TNC: variants seen among roughly 807,000 people sequenced by gnomAD.
The protein encoded by TNC is tenascin.
Under a neutral mutation model 202.4 loss-of-function variants are expected in TNC, and 109 were observed. That is an observed-to-expected ratio of 0.54 (90% CI 0.46 to 0.63). The LOEUF (loss-of-function observed/expected upper bound fraction) is 0.63. TNC is among the 30% of genes least tolerant of loss of function. The probability of loss-of-function intolerance (pLI) is 0.00; values close to 1 mark genes in which losing one functional copy is unlikely to be tolerated. For missense variants in TNC, 2,756 were observed against 2,833.3 expected (o/e 0.97, Z 0.62); for synonymous variants, 1,007 against 1,089.7 (o/e 0.92, Z 1.50).
intron 7 of TNC, 82 bp downstream of exon 7, chr9:115,077,861 G>T: frequency 6.9e-7 from 1 of 1,449,636 alleles, no homozygotes; most frequent in Non-Finnish European, 9.4e-7. Flanking sequence ...AAATGAGCCT[G>T]GAAGATACCC....
Position 115,040,995 on chromosome 9 carries a change from T to C in TNC, c.5338A>G (p.Ile1780Val), listed in dbSNP as rs1268862913. ...CTTTCCTCAAAGCCCTTCATGGCGA[T>C]GATGCTGACAAGGTACTCCACGCCA... Reference protein sequence around the residue: ...IPGVEYLVSIIAMKGFEESEP... With the variant: ...IPGVEYLVSIVAMKGFEESEP... The change falls in exon 19 of 28, where the codon ATC (isoleucine) becomes GTC (valine). Residue 1780 changes from isoleucine to valine, a missense_variant. Ile to Val is a conservative substitution (Grantham distance 29, BLOSUM62 3). Transcript: ENST00000350763. 3 of 1,613,992 alleles carry C rather than the reference T, an allele frequency of 1.9e-6. No individual in the cohort carries two copies. The highest frequency in any genetic ancestry group is 2.5e-6 in the Non-Finnish European group (3 of 1,180,016).
chr9:115,026,714 G>T lies in TNC; in HGVS notation c.6170-19C>A. The T allele has an allele frequency of 1.2e-6, 2 of 1,612,390 alleles. No individual in the cohort carries two copies. Among genetic ancestry groups the T allele is most frequent in the Non-Finnish European group, 1.7e-6 (2 of 1,179,330 alleles). On this transcript the variant is annotated intron_variant, in intron 25 of 27. Transcript: ENST00000350763. ...TCCAGCCCTGTGGATGACAGGCAAGGGTTGCTAAGAAGCACAGGTGACTGA... is the reference window on the plus strand; with the variant it reads ...TCCAGCCCTGTGGATGACAGGCAAGTGTTGCTAAGAAGCACAGGTGACTGA...
At chr9:115,029,636 G>A (rs1172447521) in intron 24 of TNC, among the ~76,000 whole-genome samples, 180 bp from the exon 25 acceptor site, 1 of 152,142 alleles carries the variant, frequency 6.6e-6, no homozygotes, top group African/African-American at 2.4e-5. Flanking sequence ...GTTCTCACCT[G>A]AAAAACAGGG....
At chr9:115,092,307 C>T (rs1835292651) in intron 1 of TNC, among the ~76,000 whole-genome samples, 1 of 152,146 alleles carries the variant, frequency 6.6e-6, no homozygotes, top group Non-Finnish European at 1.5e-5. Flanking sequence ...TACCATGAAG[C>T]AATTCTCACT....
chr9:115,069,379 A>G lies in TNC; in HGVS notation c.3214+4224T>C, dbSNP rs551765536. The stretch of plus-strand genomic sequence containing the variant: ...TAAGCAGGGTTTAGTTGGGTTTATA[A>G]GAGTACAAAAGCAGAGAGAAAAGGG... On this transcript the variant is annotated intron_variant, in intron 10 of 27. Transcript: ENST00000350763. 3.3e-5 allele frequency among the ~76,000 whole-genome samples: 5 copies of G among 151,974 alleles called. No individual in the cohort carries two copies. In the East Asian group the frequency reaches 9.7e-4, roughly 30 times the overall value.
Position 115,090,950 on chromosome 9 carries a change from C to G in TNC, c.69G>C (p.Gly23=). ...LAFLALATEG[G]VLKKVIRHKR... is the part of the protein sequence containing the mutation. The stretch of plus-strand genomic sequence containing the variant: ...TGTGCCGGATGACTTTCTTGAGGAC[C>G]CCACCTTCGGTAGCGAGGGCAAGGA... Residue 23 remains glycine (G), a synonymous_variant, in exon 2 of 28, where the codon GGG becomes GGC. Transcript: ENST00000350763. The G allele has an allele frequency of 1.9e-6, 3 of 1,614,110 alleles. No individual in the cohort carries two copies. The highest frequency in any genetic ancestry group is 2.5e-6 in the Non-Finnish European group (3 of 1,180,028).
At chr9:115,088,625 T>A (rs544829857) in intron 2 of TNC, among the ~76,000 whole-genome samples, 1 of 152,262 alleles carries the variant, frequency 6.6e-6, no homozygotes, top group African/African-American at 2.4e-5. Flanking sequence ...ATATTCACTC[T>A]GTAGTCTCTG....
At chr9:115,041,304 AGGG>A (rs1236922141) in intron 18 of TNC, among the ~76,000 whole-genome samples, 22 of 106,924 alleles carry the variant, frequency 2.1e-4, no homozygotes, top group Admixed American at 6.2e-4. Flanking sequence ...CAAAGCCAGG[AGGG>A]GCGGGGGAAA....
chr9:115,067,543 CG>C (rs59421977), intron 10 of TNC, among the ~76,000 whole-genome samples: 1 of 151,816 alleles, frequency 6.6e-6, no homozygotes, highest in African/African-American at 2.4e-5. Flanking sequence ...AGTTACCTTA[CG>C]GGGGGTGGGG....
intron 1 of TNC, among the ~76,000 whole-genome samples, chr9:115,099,888 A>G (rs531774826): frequency 4.6e-5 from 7 of 152,332 alleles, no homozygotes; most frequent in Non-Finnish European, 1.0e-4. Flanking sequence ...TTAGTATTTC[A>G]ATTTGTCAAG....
chr9:115,101,237 A>G (rs1356050280), intron 1 of TNC, among the ~76,000 whole-genome samples: 1 of 152,174 alleles, frequency 6.6e-6, no homozygotes, highest in Non-Finnish European at 1.5e-5. Flanking sequence ...TTTGAGATGA[A>G]GTCTCGCTCT....
intron 21 of TNC, 105 bp downstream of exon 21, chr9:115,035,993 G>A (rs1459968614): frequency 8.8e-6 from 12 of 1,360,536 alleles, no homozygotes; most frequent in Non-Finnish European, 1.1e-5. Context: ...ACATTGCAAG[G>A]CCCTGACTTA....
At chr9:115,103,939 T>C (rs375506252) in intron 1 of TNC, among the ~76,000 whole-genome samples, 2 of 151,818 alleles carry the variant, frequency 1.3e-5, no homozygotes, top group South Asian at 2.1e-4. Flanking sequence ...TTAGTATACC[T>C]AAGAAATGCT....
At chr9:115,079,298 A>T (rs1418552287) in intron 6 of TNC, among the ~76,000 whole-genome samples, 1 of 151,606 alleles carries the variant, frequency 6.6e-6, no homozygotes, top group Non-Finnish European at 1.5e-5. Context: ...AGTGGGCTTT[A>T]TACAGGGAAT....
chr9:115,064,798 G>A lies in TNC; in HGVS notation c.3336C>T (p.Asn1112=). 2 of 1,614,130 alleles carry A rather than the reference G, an allele frequency of 1.2e-6. No homozygotes were observed. Among genetic ancestry groups the A allele is most frequent in the East Asian group, 4.5e-5 (2 of 44,876 alleles). ...EHFIIQVQEA[N]KVEAARNLTV... ...TGAGGTTCCGAGCTGCCTCCACCTT[G>A]TTGGCCTCCTGCACCTGAATGATAA... The change falls in exon 11 of 28, where the codon AAC becomes AAT. Residue 1112 remains asparagine, a synonymous_variant. Transcript: ENST00000350763.
In TNC at chr9:115,085,227, T is replaced by C. The variant is rs542161890; in HGVS notation, c.1867+637A>G. 9.2e-5 allele frequency among the ~76,000 whole-genome samples: 14 copies of C among 152,240 alleles called. No individual in the cohort carries two copies. The East Asian group carries it at 2.5e-3, about 27-fold the overall frequency. On this transcript the variant is annotated intron_variant, in intron 3 of 27. Transcript: ENST00000350763. ...GCTAGAAATAGTGCCCTTTTAAGGATAGGAGCTTGCAGTCTTTAGGATTAA... is the reference window on the plus strand; with the variant it reads ...GCTAGAAATAGTGCCCTTTTAAGGACAGGAGCTTGCAGTCTTTAGGATTAA...
intron 19 of TNC, among the ~76,000 whole-genome samples, chr9:115,039,572 C>T (rs775543283): frequency 2.0e-5 from 3 of 152,190 alleles, no homozygotes; most frequent in Admixed American, 6.5e-5. Context: ...CTTGCTTTTG[C>T]ACTTACTACT....
Position 115,048,494 on chromosome 9 carries a change from T to C in TNC, c.4618A>G (p.Ile1540Val), listed in dbSNP as rs1467479919. The C allele has an allele frequency of 4.3e-6, 7 of 1,613,682 alleles. No homozygotes were observed. The highest frequency in any genetic ancestry group is 1.6e-4 in the Middle Eastern group (1 of 6,080). ...GAAACTGTGAACCCGTAGGGATTAATGTCGGAAATGGTTAGGTTTTCCAGA... is the reference window on the plus strand; with the variant it reads ...GAAACTGTGAACCCGTAGGGATTAACGTCGGAAATGGTTAGGTTTTCCAGA... ...PLLENLTISD[I>V]NPYGFTVSWM... is the part of the protein sequence containing the mutation. The change falls in exon 16 of 28, where the codon ATT becomes GTT. Residue 1540 changes from isoleucine to valine, a missense_variant. Physicochemically the swap from Ile to Val is conservative, Grantham distance 29. This residue lies in a region of TNC where 2,559 missense variants were observed against 2,546.0 expected (regional missense o/e 1.01). Transcript: ENST00000350763.
At chr9:115,049,364 A>G (rs888366841) in intron 15 of TNC, among the ~76,000 whole-genome samples, 2 of 152,160 alleles carry the variant, frequency 1.3e-5, no homozygotes, top group Admixed American at 6.5e-5. Context: ...AAGGCTTCAC[A>G]TTGTTATCCT....
Sources: gnomAD v4.1 joint callset for allele counts (sites outside exome capture counted in the v4.1 genomes callset) on GRCh38, gnomAD v4.1.1 for gene constraint, gnomAD v4.1.1 regional missense constraint, MANE v1.5 for transcripts, NCBI Gene and HGNC (gene_info 2026-07-23, HGNC 2026-07-21) for gene names.